Variants in VAC14 observed in about 807,000 individuals in gnomAD.
The protein encoded by VAC14 is protein VAC14 homolog.
A neutral mutation model predicts 85.3 loss-of-function variants in VAC14; 47 were observed. That is an observed-to-expected ratio of 0.55 (90% CI 0.44 to 0.70). The LOEUF (loss-of-function observed/expected upper bound fraction) is 0.70, where lower values mean the gene tolerates loss of function less well. Among genes scored for constraint, VAC14 ranks in the 30% least tolerant of loss-of-function variants. The pLI is 0.00. For missense variants in VAC14, 861 were observed against 1,004.3 expected (o/e 0.86, Z 1.93); for synonymous variants, 447 against 430.5 (o/e 1.04, Z -0.47).
intron 13 of VAC14, among the ~76,000 whole-genome samples, chr16:70,741,028 C>G (rs1046167572): frequency 6.6e-6 from 1 of 152,260 alleles, no homozygotes; most frequent in Admixed American, 6.5e-5. Context: ...ATGCCACCGA[C>G]TTCACCTTTG....
intron 16 of VAC14, 174 bp from the exon 17 acceptor site, chr16:70,695,797 C>G: frequency 1.7e-6 from 1 of 598,282 alleles, no homozygotes; most frequent in Non-Finnish European, 3.0e-6. Flanking sequence ...CCTTTCTGTC[C>G]TAAATGGAAC....
At position 70,690,344 on chromosome 16, in the gene VAC14, C is replaced by G. The variant is rs963886245; in HGVS notation, c.2187-2254G>C. 34 of 985,558 alleles carry G rather than the reference C, an allele frequency of 3.4e-5. No homozygotes were observed. In the Middle Eastern group the frequency reaches 2.6e-3, roughly 75 times the overall value. The allele number at this position is 985,558 out of a possible 1,614,324, so 61.1% of individuals were successfully genotyped here. ...CCCACCTAATGCAGATGGCTGCTCTCAGGCCCTGCACATCTTCTGTAGGTC... is the reference window on the plus strand; with the variant it reads ...CCCACCTAATGCAGATGGCTGCTCTGAGGCCCTGCACATCTTCTGTAGGTC... On this transcript the variant is annotated intron_variant, in intron 18 of 18. Transcript: ENST00000261776.
chr16:70,711,706 T>C (rs988257830), intron 14 of VAC14, among the ~76,000 whole-genome samples: 1 of 152,210 alleles, frequency 6.6e-6, no homozygotes, highest in African/African-American at 2.4e-5. Flanking sequence ...CCTTTCTGGC[T>C]GTGATTAGGA....
chr16:70,688,161 G>C (rs1460471469), intron 18 of VAC14, 71 bp from the exon 19 acceptor site: 1 of 1,408,528 alleles, frequency 7.1e-7, no homozygotes, highest in Non-Finnish European at 9.4e-7. Context: ...GGAGGGCAGT[G>C]GGGTCAGAGG....
At chr16:70,694,100 A>G (rs2053657367) in intron 17 of VAC14, among the ~76,000 whole-genome samples, 1 of 152,092 alleles carries the variant, frequency 6.6e-6, no homozygotes, top group Non-Finnish European at 1.5e-5. Flanking sequence ...GATCCAGGCG[A>G]CTCAGGGCTG....
chr16:70,752,877 T>C (rs7194091), intron 12 of VAC14, among the ~76,000 whole-genome samples: 36,681 of 152,136 alleles, frequency 0.24, 6,462 homozygotes, highest in African/African-American at 0.5. Context: ...GTGGGCTGAA[T>C]GGACTGTCCT....
chr16:70,783,646 C>A, intron 5 of VAC14, 92 bp from the exon 6 acceptor site: 1 of 1,283,138 alleles, frequency 7.8e-7, no homozygotes, highest in East Asian at 2.3e-5. Flanking sequence ...AGGAAGGGGA[C>A]CCTGCTGAGA....
intron 14 of VAC14, among the ~76,000 whole-genome samples, chr16:70,699,041 C>T (rs909892761): frequency 3.9e-5 from 6 of 152,192 alleles, no homozygotes; most frequent in South Asian, 2.1e-4. Flanking sequence ...GGCCTAGCCA[C>T]GCCAGGGCGC....
At chr16:70,727,315 G>C (rs1321455070) in intron 14 of VAC14, among the ~76,000 whole-genome samples, 1 of 152,136 alleles carries the variant, frequency 6.6e-6, no homozygotes, top group Non-Finnish European at 1.5e-5. Flanking sequence ...GAACCATCGC[G>C]ATGCCTCTCT....
At chr16:70,781,559 A>G (rs778563993) in intron 8 of VAC14, among the ~76,000 whole-genome samples, 2 of 151,932 alleles carry the variant, frequency 1.3e-5, no homozygotes, top group Non-Finnish European at 2.9e-5. Context: ...CCCTTCCTAA[A>G]CCCTCCCACC....
chr16:70,771,978 G>T, intron 10 of VAC14, 131 bp downstream of exon 10: 1 of 774,154 alleles, frequency 1.3e-6, no homozygotes, highest in Non-Finnish European at 2.1e-6. Flanking sequence ...ACTCTTTTGT[G>T]TACGAGGGTG....
At chr16:70,753,853 T>C (rs1466033293) in intron 12 of VAC14, among the ~76,000 whole-genome samples, 2 of 152,200 alleles carry the variant, frequency 1.3e-5, no homozygotes, top group Non-Finnish European at 2.9e-5. Context: ...AGCTTGGCTC[T>C]AGGAGGTGTG....
chr16:70,755,419 C>T (rs78594930), intron 12 of VAC14, among the ~76,000 whole-genome samples: 2,883 of 152,360 alleles, frequency 0.019, 90 homozygotes, highest in African/African-American at 0.064. Context: ...GCAGTGCCTC[C>T]ACCCTGGGCC....
At chr16:70,754,318 CCT>C (rs1169522434) in intron 12 of VAC14, among the ~76,000 whole-genome samples, 4 of 152,176 alleles carry the variant, frequency 2.6e-5, no homozygotes, top group African/African-American at 4.8e-5. Flanking sequence ...TTGCCATTCC[CCT>C]CTCTTCCCTA....
intron 10 of VAC14, chr16:70,770,636 A>T (rs990585220): frequency 9.2e-5 from 14 of 152,004 alleles, no homozygotes; most frequent in African/African-American, 3.4e-4. Flanking sequence ...CCTCACATCA[A>T]TCACTCCTCT....
intron 1 of VAC14, among the ~76,000 whole-genome samples, chr16:70,793,003 C>A (rs1023462718): frequency 1.3e-5 from 2 of 152,230 alleles, no homozygotes; most frequent in Non-Finnish European, 2.9e-5. Flanking sequence ...TCTACCAAGT[C>A]CATATCCCTT....
In VAC14 at chr16:70,729,866, G is replaced by A. The variant is rs117435276; in HGVS notation, c.1661+1629C>T. ...AATGAATGACTATGCCATCAATTTC[G>A]AGATTGTATCTTGGGCCTCGGTACC... On this transcript the variant is annotated intron_variant, in intron 14 of 18. Coordinates refer to ENST00000261776, the MANE Select transcript of VAC14 (RefSeq NM_018052.5). Among the ~76,000 whole-genome samples the A allele has an allele frequency of 4.6e-5, 7 of 152,020 alleles. No homozygotes were observed. The East Asian group carries it at 7.7e-4, about 17-fold the overall frequency.
chr16:70,735,896 A>T (rs1368222826), intron 13 of VAC14, among the ~76,000 whole-genome samples: 1 of 152,260 alleles, frequency 6.6e-6, no homozygotes, highest in African/African-American at 2.4e-5. Flanking sequence ...CAAGTGTCAC[A>T]TTCTTATAGA....
intron 6 of VAC14, 39 bp from the exon 7 acceptor site, chr16:70,783,178 A>T (rs1332690186): frequency 6.3e-7 from 1 of 1,598,280 alleles, no homozygotes; most frequent in African/African-American, 1.3e-5. Flanking sequence ...AGCGAGGGTC[A>T]GCCAGGGCTG....
Sources: gnomAD v4.1 joint callset for allele counts (sites outside exome capture counted in the v4.1 genomes callset) on GRCh38, gnomAD v4.1.1 for gene constraint, MANE v1.5 for transcripts, NCBI Gene and HGNC (gene_info 2026-07-23, HGNC 2026-07-21) for gene names.